SEC14L5: variants seen among roughly 807,000 people sequenced by gnomAD.
SEC14L5 encodes SEC14 like lipid binding 5.
Under a neutral mutation model 84.6 loss-of-function variants are expected in SEC14L5, and 96 were observed. The observed-to-expected ratio is 1.13, with a 90% CI of 0.96 to 1.34. The LOEUF (loss-of-function observed/expected upper bound fraction) is 1.34, where lower values mean the gene tolerates loss of function less well. SEC14L5 is among the 40% of genes most tolerant of loss of function. The pLI, the probability that SEC14L5 is intolerant of heterozygous loss-of-function variation, is 0.00. For missense variants in SEC14L5, 1,224 were observed against 942.5 expected (o/e 1.30, Z -3.91); for synonymous variants, 546 against 383.4 (o/e 1.42, Z -4.95).
chr16:4,967,133 A>G (rs1380104692), intron 2 of SEC14L5, among the ~76,000 whole-genome samples: 1 of 152,178 alleles, frequency 6.6e-6, no homozygotes, highest in Non-Finnish European at 1.5e-5. Context: ...ACATAAGTTC[A>G]TTGCCTCACT....
intron 11 of SEC14L5, among the ~76,000 whole-genome samples, chr16:5,005,623 A>T (rs182240929): frequency 0.017 from 2,541 of 152,116 alleles, 27 homozygotes; most frequent in Middle Eastern, 0.024. Flanking sequence ...GCACTTTGGG[A>T]GGCCGAGGCA....
At chr16:4,997,734 C>G (rs971339658) in intron 8 of SEC14L5, among the ~76,000 whole-genome samples, 1 of 152,144 alleles carries the variant, frequency 6.6e-6, no homozygotes, top group Non-Finnish European at 1.5e-5. Flanking sequence ...AAGGCGTCAC[C>G]AGGGCCGTGC....
intron 2 of SEC14L5, among the ~76,000 whole-genome samples, chr16:4,968,196 TG>T (rs1955230736): frequency 6.6e-6 from 1 of 151,400 alleles, no homozygotes; most frequent in Admixed American, 6.6e-5. Context: ...ATTTTTTTTT[TG>T]AGACGAAGTT....
chr16:4,971,121 C>T (rs1234281096), intron 2 of SEC14L5, among the ~76,000 whole-genome samples: 1 of 145,624 alleles, frequency 6.9e-6, no homozygotes, highest in African/African-American at 2.5e-5. Context: ...AACTAGCTGA[C>T]TTTGGTCCTG....
intron 6 of SEC14L5, among the ~76,000 whole-genome samples, 163 bp downstream of exon 6, chr16:4,992,193 T>G (rs1955560413): frequency 6.6e-6 from 1 of 152,248 alleles, no homozygotes; most frequent in Non-Finnish European, 1.5e-5. Flanking sequence ...TGAGTGCTTT[T>G]CTCTCTCTCC....
At chr16:5,010,065 G>A (rs116258459) in intron 14 of SEC14L5, among the ~76,000 whole-genome samples, 1,528 of 151,880 alleles carry the variant, frequency 0.01, 27 homozygotes, top group African/African-American at 0.035. Context: ...GTCTTGGGCC[G>A]GGTGCGGTGG....
intron 4 of SEC14L5, among the ~76,000 whole-genome samples, chr16:4,989,800 T>G (rs1955533154): frequency 6.6e-6 from 1 of 152,128 alleles, no homozygotes; most frequent in African/African-American, 2.4e-5. Context: ...TATCAATAGC[T>G]GAGTCAGCAG....
Position 4,988,225 on chromosome 16 carries a change from C to G in SEC14L5, c.290C>G (p.Ala97Gly). 3 of 1,613,642 alleles carry G rather than the reference C, an allele frequency of 1.9e-6. No individual in the cohort carries two copies. The highest frequency in any genetic ancestry group is 2.5e-6 in the Non-Finnish European group (3 of 1,179,624). The stretch of plus-strand genomic sequence containing the variant: ...AAGGAGAGGACGCTCCTCATCGAAG[C>G]GCACAATGAGACCTTCGCCAACCGC... ...NWKERTLLIEAHNETFANRVV... is the reference protein window; with the variant it reads ...NWKERTLLIEGHNETFANRVV... The change falls in exon 4 of 16, where the codon GCG becomes GGG. Residue 97 changes from alanine to glycine, a missense_variant. Coordinates refer to ENST00000251170, the MANE Select transcript of SEC14L5 (RefSeq NM_014692.2).
chr16:4,968,204 A>G (rs1191028337), intron 2 of SEC14L5, among the ~76,000 whole-genome samples: 2 of 149,686 alleles, frequency 1.3e-5, no homozygotes, highest in Non-Finnish European at 3.0e-5. Flanking sequence ...TTTGAGACGA[A>G]GTTTCGCTCT....
intron 2 of SEC14L5, among the ~76,000 whole-genome samples, chr16:4,984,287 AT>A (rs1182548542): frequency 6.6e-6 from 1 of 152,158 alleles, no homozygotes; most frequent in Non-Finnish European, 1.5e-5. Flanking sequence ...GATTCATGCA[AT>A]ATATGGTATT....
Position 4,988,307 on chromosome 16 carries a change from A to ACGCCCGGCACCCACCTG in SEC14L5, c.345+45_345+61dup, listed in dbSNP as rs770439866. ...TGAGCCCAGGCCACCCTCAGCGCCC[A>ACGCCCGGCACCCACCTG]CGCCCGGCACCCACCTGCGCCCGGC... is the stretch of plus-strand genomic sequence containing the variant. On this transcript the variant is annotated intron_variant, in intron 4 of 15. Coordinates refer to ENST00000251170, the MANE Select transcript of SEC14L5 (RefSeq NM_014692.2). 30 of 1,610,226 alleles carry ACGCCCGGCACCCACCTG rather than the reference A, an allele frequency of 1.9e-5. No homozygotes were observed. In the East Asian group the frequency reaches 2.2e-4, roughly 12 times the overall value.
chr16:5,000,974 G>T, intron 10 of SEC14L5, 49 bp downstream of exon 10: 1 of 1,375,412 alleles, frequency 7.3e-7, no homozygotes, highest in Non-Finnish European at 1.0e-6. Flanking sequence ...CAAAGACGGA[G>T]GGTGGAGAGG....
At position 5,015,008 on chromosome 16, in the gene SEC14L5, G is replaced by A. The variant is rs564386315; in HGVS notation, c.*38G>A. 1.9e-5 allele frequency: 29 copies of A among 1,501,656 alleles called. No homozygotes were observed. In the Admixed American group the frequency reaches 4.5e-4, roughly 23 times the overall value. 93.0% of individuals were successfully genotyped at this position (1,501,656 alleles called of 1,614,324 possible). ...TTTCAGGGCCGCCCGCTCGCCTCCA[G>A]TGTCCAGAAATGTCCAGAATGAGAA... On this transcript the variant is annotated 3_prime_UTR_variant, in exon 16 of 16. Transcript: ENST00000251170.
At chr16:4,977,473 A>AAAAAAAAG (rs71139669) in intron 2 of SEC14L5, among the ~76,000 whole-genome samples, 72,685 of 128,426 alleles carry the variant, frequency 0.57, 20,464 homozygotes, top group East Asian at 0.78. Context: ...AAAAAAAGGA[A>AAAAAAAAG]AAAAAAAGAA....
intron 2 of SEC14L5, among the ~76,000 whole-genome samples, chr16:4,965,585 C>G (rs920331027): frequency 1.5e-5 from 2 of 131,152 alleles, no homozygotes; most frequent in South Asian, 4.9e-4. Flanking sequence ...GGTGTGAAAC[C>G]GGGAGGCGGA....
chr16:4,967,561 C>CATTTTTT (rs1568104233), intron 2 of SEC14L5, among the ~76,000 whole-genome samples: 2 of 86,272 alleles, frequency 2.3e-5, no homozygotes, highest in African/African-American at 4.6e-5. Context: ...TTCTTTCTTT[C>CATTTTTT]GTTTTTTTTT....
intron 15 of SEC14L5, among the ~76,000 whole-genome samples, chr16:5,011,791 C>T (rs1234964766): frequency 1.3e-5 from 2 of 152,130 alleles, no homozygotes; most frequent in African/African-American, 4.8e-5. Context: ...ACCACTGGAG[C>T]CCCAGTCTTG....
At chr16:4,960,826 T>G (rs1285561047) in intron 2 of SEC14L5, 1 of 152,220 alleles carries the variant, frequency 6.6e-6, no homozygotes, top group Non-Finnish European at 1.5e-5. Flanking sequence ...CCAGCTATGA[T>G]CGTTACTGTT....
At chr16:4,986,050 G>A (rs2142500825) in intron 2 of SEC14L5, among the ~76,000 whole-genome samples, 1 of 152,010 alleles carries the variant, frequency 6.6e-6, no homozygotes, top group East Asian at 1.9e-4. Context: ...TTTCCAAAGG[G>A]GTTGTACCGT....
Sources: gnomAD v4.1 joint callset for allele counts (sites outside exome capture counted in the v4.1 genomes callset) on GRCh38, gnomAD v4.1.1 for gene constraint, MANE v1.5 for transcripts, NCBI Gene and HGNC (gene_info 2026-07-23, HGNC 2026-07-21) for gene names.